The following COL28A1 variants were observed in gnomAD, a reference collection of about 807,000 sequenced individuals.
The protein encoded by COL28A1 is collagen alpha-1(XXVIII) chain.
In COL28A1, 161 loss-of-function variants were observed where a neutral mutation model predicts 150.2. That is an observed-to-expected ratio of 1.07 (90% CI 0.94 to 1.22). The LOEUF is 1.22. COL28A1 is among the 50% of genes most tolerant of loss of function. COL28A1 has a pLI of 0.00. For synonymous variants in COL28A1, 552 were observed against 469.7 expected (o/e 1.18, Z -2.26); for missense variants, 1,617 against 1,388.3 (o/e 1.16, Z -2.62).
At chr7:7,382,048 G>T (rs1781901112) in intron 27 of COL28A1, among the ~76,000 whole-genome samples, 1 of 152,134 alleles carries the variant, frequency 6.6e-6, no homozygotes, top group South Asian at 2.1e-4. Context: ...GGTGGCTCAT[G>T]CCTGTAATCC....
chr7:7,389,657 T>A (rs112733131), intron 27 of COL28A1, among the ~76,000 whole-genome samples: 1 of 152,228 alleles, frequency 6.6e-6, no homozygotes, highest in Admixed American at 6.5e-5. Flanking sequence ...TTTGTTTGTG[T>A]CTTCTCTTAT....
intron 27 of COL28A1, among the ~76,000 whole-genome samples, chr7:7,383,160 G>GA (rs1474575547): frequency 6.6e-6 from 1 of 151,910 alleles, no homozygotes; most frequent in African/African-American, 2.4e-5. Context: ...TTCTCTGAGA[G>GA]AAAAAATCTC....
chr7:7,521,394 A>G (rs1288085509), intron 5 of COL28A1, among the ~76,000 whole-genome samples: 2 of 152,186 alleles, frequency 1.3e-5, no homozygotes, highest in Admixed American at 1.3e-4. Flanking sequence ...TTTGGTTGCC[A>G]TGTGCTTACT....
At chr7:7,471,032 A>G (rs1343971613) in intron 15 of COL28A1, among the ~76,000 whole-genome samples, 9 of 143,718 alleles carry the variant, frequency 6.3e-5, no homozygotes, top group Non-Finnish European at 1.2e-4. Context: ...TAGTGGGTGC[A>G]GCGCACCAGC....
chr7:7,464,471 C>T (rs1787898598), intron 15 of COL28A1, among the ~76,000 whole-genome samples: 1 of 152,150 alleles, frequency 6.6e-6, no homozygotes, highest in Non-Finnish European at 1.5e-5. Context: ...GTCTTTCAGA[C>T]CACAGTGGAA....
chr7:7,543,449 G>A, the COL28A1 span, among the ~76,000 whole-genome samples: 16 of 152,088 alleles, frequency 1.1e-4, 1 homozygote, highest in East Asian at 3.1e-3. Flanking sequence ...CTGCATTATT[G>A]TTTTCTCCAT....
At chr7:7,370,478 T>C (rs1202120775) in intron 33 of COL28A1, among the ~76,000 whole-genome samples, 1 of 152,152 alleles carries the variant, frequency 6.6e-6, no homozygotes, top group Non-Finnish European at 1.5e-5. Context: ...GAGTATAATA[T>C]AAAAATATTA....
intron 9 of COL28A1, among the ~76,000 whole-genome samples, chr7:7,510,823 TA>T (rs1302610862): frequency 6.6e-6 from 1 of 152,230 alleles, no homozygotes; most frequent in Non-Finnish European, 1.5e-5. Context: ...TAATTCTTTT[TA>T]CCATAACATT....
chr7:7,440,860 C>T lies in COL28A1; in HGVS notation c.1652G>A (p.Gly551Asp), dbSNP rs781727800. The change falls in exon 21 of 35, where the codon GGT becomes GAT. Residue 551 changes from glycine to aspartate, a missense_variant and splice_region_variant. By Grantham distance (94) the Gly-to-Asp change is moderately conservative (BLOSUM62 -1). Coordinates refer to ENST00000399429, the MANE Select transcript of COL28A1 (RefSeq NM_001037763.3). ...PPGKGQPGPK[G>D]DEGKKGSKGN... ...TTTGCTCCCTTTCTTGCCTTCGTCA[C>T]CCTAACAAAATAATTATGAAAATAT... The T allele has an allele frequency of 1.4e-6, 2 of 1,475,926 alleles. No homozygotes were observed. The highest frequency in any genetic ancestry group is 9.5e-7 in the Non-Finnish European group (1 of 1,054,848). 91.4% of individuals were successfully genotyped at this position (1,475,926 alleles called of 1,614,324 possible). A position where few individuals can be genotyped will look rare whatever the true frequency, so the allele number is the denominator to read the frequency against.
At chr7:7,461,021 A>G (rs1017747451) in intron 15 of COL28A1, among the ~76,000 whole-genome samples, 2 of 152,162 alleles carry the variant, frequency 1.3e-5, no homozygotes, top group Non-Finnish European at 2.9e-5. Flanking sequence ...AAGAAAACCC[A>G]CGGACTTGCT....
intron 27 of COL28A1, among the ~76,000 whole-genome samples, chr7:7,396,956 C>T (rs1782867773): frequency 6.6e-6 from 1 of 152,178 alleles, no homozygotes; most frequent in African/African-American, 2.4e-5. Context: ...GCACTGTCAG[C>T]CATGTACAGC....
chr7:7,507,136 T>C lies in COL28A1; in HGVS notation c.953A>G (p.Lys318Arg). The C allele has an allele frequency of 7.7e-7, 1 of 1,297,838 alleles. No homozygotes were observed. The highest frequency in any genetic ancestry group is 1.1e-6 in the Non-Finnish European group (1 of 892,932). 80.4% of individuals were successfully genotyped at this position (1,297,838 alleles called of 1,614,324 possible). The change falls in exon 10 of 35, where the codon AAG becomes AGG. Residue 318 changes from lysine to arginine, a missense_variant. By Grantham distance (26) the Lys-to-Arg change is conservative (BLOSUM62 2). Transcript: ENST00000399429. The part of the protein sequence containing the change: ...DKGSPGPYGP[K>R]GPRGIQGITG... ...CCTTACCTGAATTCCTCTGGGTCCCTTTGGTCCATATGGCCCTGGGGATCC... is the reference window on the plus strand; with the variant it reads ...CCTTACCTGAATTCCTCTGGGTCCCCTTGGTCCATATGGCCCTGGGGATCC...
At position 7,360,402 on chromosome 7, in the gene COL28A1, C is replaced by A. The variant is rs1314776324; in HGVS notation, c.3193G>T (p.Asp1065Tyr). The A allele has an allele frequency of 6.3e-7, 1 of 1,585,814 alleles. No homozygotes were observed. The highest frequency in any genetic ancestry group is 1.2e-5 in the South Asian group (1 of 85,582). ...CTGGTTTACCTACCCTCTGCCCCAT[C>A]CACAGGGGTGCTGAGCAGTGGCCTG... ...TPRPLLSTPV[D>Y]GAEDPRCLEA... The change falls in exon 34 of 35, where the codon GAT (aspartate) becomes TAT (tyrosine). Residue 1065 changes from aspartate to tyrosine, a missense_variant. Physicochemically the swap from Asp to Tyr is radical, Grantham distance 160. Transcript: ENST00000399429.
At chr7:7,375,204 G>A (rs983653078) in intron 31 of COL28A1, among the ~76,000 whole-genome samples, 3 of 152,124 alleles carry the variant, frequency 2.0e-5, no homozygotes, top group Admixed American at 6.5e-5. Flanking sequence ...CTAACAAAAG[G>A]CCCGGCTGCC....
At chr7:7,535,408 G>C (rs1307850087) in intron 1 of COL28A1, among the ~76,000 whole-genome samples, 1 of 152,018 alleles carries the variant, frequency 6.6e-6, no homozygotes, top group Non-Finnish European at 1.5e-5. Flanking sequence ...TATTCAAATT[G>C]ACAAATTAGC....
chr7:7,485,403 A>G (rs931929154), intron 13 of COL28A1, among the ~76,000 whole-genome samples: 1 of 152,070 alleles, frequency 6.6e-6, no homozygotes, highest in Non-Finnish European at 1.5e-5. Context: ...TTTTCTCCCA[A>G]TCAGCAGCTT....
chr7:7,358,439 T>G lies in COL28A1; in HGVS notation c.*194A>C, dbSNP rs1780445451. On this transcript the variant is annotated 3_prime_UTR_variant, in exon 35 of 35. Coordinates refer to ENST00000399429, the MANE Select transcript of COL28A1 (RefSeq NM_001037763.3). ...GACAGTTGACAAGTTACTAAACTTC[T>G]CAGAGCCTCAGCTTTCTTACCTATA... 1 of 480,742 alleles carries G rather than the reference T, an allele frequency of 2.1e-6. No individual in the cohort carries two copies. The highest frequency in any genetic ancestry group is 4.2e-5 in the South Asian group (1 of 23,886). The allele number at this position is 480,742 out of a possible 1,614,324, so 29.8% of individuals were successfully genotyped here.
At chr7:7,436,878 A>G (rs1262038707) in intron 22 of COL28A1, among the ~76,000 whole-genome samples, 1 of 152,188 alleles carries the variant, frequency 6.6e-6, no homozygotes, top group Non-Finnish European at 1.5e-5. Context: ...CGTCTCTACT[A>G]AAAGCACAAA....
At chr7:7,464,404 T>C (rs376597710) in intron 15 of COL28A1, among the ~76,000 whole-genome samples, 16 of 152,056 alleles carry the variant, frequency 1.1e-4, no homozygotes, top group South Asian at 6.2e-4. Context: ...ATAAAACATA[T>C]CACAGGCAAC....
Sources: allele counts gnomAD v4.1 joint callset (sites outside exome capture counted in the v4.1 genomes callset), GRCh38; gene constraint gnomAD v4.1.1; transcripts MANE v1.5; gene names NCBI Gene and HGNC (gene_info 2026-07-23, HGNC 2026-07-21).